NDRG3: variants seen among roughly 807,000 people sequenced by gnomAD.
The protein encoded by NDRG3 is NDRG family member 3, also known as protein NDRG3.
In NDRG3, 23 loss-of-function variants were observed where a neutral mutation model predicts 57.2. The ratio of observed to expected loss-of-function variants is 0.40; its 90% CI spans 0.29 to 0.57. The LOEUF (loss-of-function observed/expected upper bound fraction) is 0.57. Among genes scored for constraint, NDRG3 ranks in the 20% least tolerant of loss-of-function variants. The pLI is 0.42. For synonymous variants in NDRG3, 132 were observed against 162.6 expected, an observed-to-expected ratio of 0.81 and a Z score of 1.43; for missense variants, 384 against 457.3, an observed-to-expected ratio of 0.84 and a Z score of 1.46.
chr20:36,683,691 T>TACAC (rs60391182), intron 6 of NDRG3, among the ~76,000 whole-genome samples: 165 of 146,786 alleles, frequency 1.1e-3, no homozygotes, highest in African/African-American at 3.6e-3. Flanking sequence ...CACATATATG[T>TACAC]ACACACACAC....
chr20:36,697,131 G>A lies in NDRG3; in HGVS notation c.94-8347C>T, dbSNP rs11907291. ...TATTTTGTGACTTCAGAGACAAAGC[G>A]TAGATGGAACCAATCCAGAAAAAGT... On this transcript the variant is annotated intron_variant, in intron 3 of 15. Transcript: ENST00000349004. Among the ~76,000 whole-genome samples the A allele has an allele frequency of 7.0e-3, 1,070 of 152,272 alleles. 13 individuals carry two copies. Among genetic ancestry groups the A allele is most frequent in the African/African-American group, 0.024 (1,004 of 41,558 alleles).
At chr20:36,724,425 T>C (rs965596269) in intron 1 of NDRG3, among the ~76,000 whole-genome samples, 2 of 152,180 alleles carry the variant, frequency 1.3e-5, no homozygotes, top group African/African-American at 4.8e-5. Flanking sequence ...TTTATACCAG[T>C]CACATTTCAA....
intron 5 of NDRG3, among the ~76,000 whole-genome samples, chr20:36,687,156 G>C (rs888084820): frequency 6.6e-6 from 1 of 152,004 alleles, no homozygotes; most frequent in African/African-American, 2.4e-5. Context: ...ACCACGTCTC[G>C]CTAAAAAATG....
chr20:36,655,564 T>C lies in NDRG3; in HGVS notation c.946+796A>G, dbSNP rs1266945166. On this transcript the variant is annotated intron_variant, in intron 15 of 15. Transcript: ENST00000349004. The stretch of plus-strand genomic sequence containing the variant: ...TCGTCCCCTGGGGTGGAGGAGACTT[T>C]ACCAAGGATACTGCCCTTTTCTCCT... Among the ~76,000 whole-genome samples the C allele has an allele frequency of 2.0e-5, 3 of 152,342 alleles. No individual in the cohort carries two copies. In the East Asian group the frequency reaches 5.8e-4, roughly 29 times the overall value.
At position 36,695,531 on chromosome 20, in the gene NDRG3, G is replaced by A. The variant is rs145942460; in HGVS notation, c.94-6747C>T. Among the ~76,000 whole-genome samples the A allele has an allele frequency of 5.9e-3, 898 of 152,252 alleles. 7 individuals carry two copies. Among genetic ancestry groups the A allele is most frequent in the Non-Finnish European group, 9.8e-3 (665 of 68,014 alleles). ...AACGCATTCCTGGGGGGACGGAGGGGGATCTCTAAAATGGCCGCTGTGGGA... is the reference window on the plus strand; with the variant it reads ...AACGCATTCCTGGGGGGACGGAGGGAGATCTCTAAAATGGCCGCTGTGGGA... On this transcript the variant is annotated intron_variant, in intron 3 of 15. Coordinates refer to ENST00000349004, the MANE Select transcript of NDRG3 (RefSeq NM_032013.4).
intron 1 of NDRG3, among the ~76,000 whole-genome samples, chr20:36,745,432 C>T (rs1216471649): frequency 1.3e-5 from 2 of 152,144 alleles, no homozygotes; most frequent in Non-Finnish European, 2.9e-5. Flanking sequence ...CCTGAGAGCC[C>T]GAGACCCTGA....
intron 3 of NDRG3, among the ~76,000 whole-genome samples, chr20:36,696,414 C>T (rs1159856477): frequency 6.6e-6 from 1 of 151,650 alleles, no homozygotes; most frequent in Non-Finnish European, 1.5e-5. Context: ...CTTCTAAGCT[C>T]AAGCAATCTG....
At chr20:36,699,947 C>G (rs1190143808) in intron 3 of NDRG3, among the ~76,000 whole-genome samples, 1 of 151,694 alleles carries the variant, frequency 6.6e-6, no homozygotes, top group Non-Finnish European at 1.5e-5. Context: ...ATGGTGAAAC[C>G]CGTCTCTACT....
rs569496889 is a variant in NDRG3, at chr20:36,698,329, C to T, written c.93+8643G>A. Among the ~76,000 whole-genome samples the T allele has an allele frequency of 2.6e-5, 4 of 151,948 alleles. No homozygotes were observed. In the East Asian group the frequency reaches 7.8e-4, roughly 30 times the overall value. ...TTCTGACTGTGTGTGGTGGCTCATG[C>T]CTGTAATCCCAGCACTTTGGGAGGC... On this transcript the variant is annotated intron_variant, in intron 3 of 15. Coordinates refer to ENST00000349004, the MANE Select transcript of NDRG3 (RefSeq NM_032013.4).
intron 1 of NDRG3, among the ~76,000 whole-genome samples, chr20:36,738,066 A>G (rs1985699438): frequency 6.6e-6 from 1 of 151,840 alleles, no homozygotes; most frequent in Admixed American, 6.6e-5. Context: ...CTGTCTCAAA[A>G]AAAAAAAAAA....
chr20:36,696,151 C>A lies in NDRG3; in HGVS notation c.94-7367G>T, dbSNP rs577141740. 3.3e-5 allele frequency among the ~76,000 whole-genome samples: 5 copies of A among 152,278 alleles called. No homozygotes were observed. The South Asian group carries it at 1.0e-3, about 32-fold the overall frequency. ...CACTCTTGTTGCCCAGGCTGGAATGCAATGGTGTGATCTCGGCTCACTGCA... is the reference window on the plus strand; with the variant it reads ...CACTCTTGTTGCCCAGGCTGGAATGAAATGGTGTGATCTCGGCTCACTGCA... On this transcript the variant is annotated intron_variant, in intron 3 of 15. Coordinates refer to ENST00000349004, the MANE Select transcript of NDRG3 (RefSeq NM_032013.4).
intron 9 of NDRG3, 117 bp downstream of exon 9, chr20:36,671,224 G>A: frequency 1.2e-6 from 1 of 812,116 alleles, no homozygotes; most frequent in Non-Finnish European, 2.1e-6. Flanking sequence ...GACTACATTG[G>A]AACTGTTACT....
intron 3 of NDRG3, among the ~76,000 whole-genome samples, chr20:36,701,690 G>A (rs1294361912): frequency 2.6e-5 from 4 of 151,448 alleles, no homozygotes; most frequent in African/African-American, 9.7e-5. Flanking sequence ...TGGGATTACA[G>A]GCATGCGCCA....
At chr20:36,696,655 G>C (rs1982815316) in intron 3 of NDRG3, among the ~76,000 whole-genome samples, 1 of 151,698 alleles carries the variant, frequency 6.6e-6, no homozygotes, top group Non-Finnish European at 1.5e-5. Flanking sequence ...ACCATGCCTA[G>C]CTAATTTTTT....
At chr20:36,734,778 G>A (rs929833741) in intron 1 of NDRG3, among the ~76,000 whole-genome samples, 8 of 151,482 alleles carry the variant, frequency 5.3e-5, no homozygotes, top group Non-Finnish European at 1.2e-4. Flanking sequence ...CAACAGCTGT[G>A]ACAGCCAAAC....
chr20:36,685,837 T>A (rs1366609964), intron 5 of NDRG3, among the ~76,000 whole-genome samples: 2 of 152,138 alleles, frequency 1.3e-5, no homozygotes, highest in Non-Finnish European at 2.9e-5. Flanking sequence ...GGCAAAACCC[T>A]GTCTCTACAG....
chr20:36,744,976 G>T (rs948777067), intron 1 of NDRG3, among the ~76,000 whole-genome samples: 5 of 151,424 alleles, frequency 3.3e-5, no homozygotes, highest in South Asian at 2.1e-4. Flanking sequence ...AAGGGGGGGG[G>T]GGGGCGCGGC....
At chr20:36,727,600 T>G (rs1985020364) in intron 1 of NDRG3, among the ~76,000 whole-genome samples, 2 of 149,978 alleles carry the variant, frequency 1.3e-5, no homozygotes, top group African/African-American at 4.9e-5. Context: ...TGGAGTGCAG[T>G]GGCACATCTC....
intron 3 of NDRG3, among the ~76,000 whole-genome samples, chr20:36,692,197 AG>A (rs1982317690): frequency 1.3e-5 from 2 of 152,174 alleles, no homozygotes; most frequent in South Asian, 4.1e-4. Context: ...GAAATAACTA[AG>A]AACCAACATA....
Sources: allele counts gnomAD v4.1 joint callset (sites outside exome capture counted in the v4.1 genomes callset), GRCh38; gene constraint gnomAD v4.1.1; transcripts MANE v1.5; gene names NCBI Gene and HGNC (gene_info 2026-07-23, HGNC 2026-07-21).